The following TSHZ2 variants were observed in gnomAD, a reference collection of about 807,000 sequenced individuals.
TSHZ2 encodes teashirt zinc finger homeobox 2.
A neutral mutation model predicts 74.4 loss-of-function variants in TSHZ2; 21 were observed. That is an observed-to-expected ratio of 0.28 (90% CI 0.20 to 0.41). The LOEUF (loss-of-function observed/expected upper bound fraction) is 0.41, where lower values mean the gene tolerates loss of function less well. TSHZ2 is among the 10% of genes least tolerant of loss of function. The pLI is 1.00. For synonymous variants in TSHZ2, 540 were observed against 515.3 expected (o/e 1.05, Z -0.65); for missense variants, 1,244 against 1,293.5 (o/e 0.96, Z 0.59).
At chr20:53,473,962 G>C (rs1035299173) in intron 2 of TSHZ2, among the ~76,000 whole-genome samples, 15 of 151,870 alleles carry the variant, frequency 9.9e-5, no homozygotes, top group African/African-American at 3.6e-4. Flanking sequence ...AGAGAAAAAA[G>C]AATAAAAAGA....
At chr20:53,195,862 G>C (rs1247030814) in intron 1 of TSHZ2, among the ~76,000 whole-genome samples, 1 of 152,156 alleles carries the variant, frequency 6.6e-6, no homozygotes, top group Non-Finnish European at 1.5e-5. Flanking sequence ...TCAGAAATCA[G>C]ATTTATATGG....
At chr20:53,433,274 G>A (rs1983907760) in intron 2 of TSHZ2, among the ~76,000 whole-genome samples, 2 of 152,172 alleles carry the variant, frequency 1.3e-5, no homozygotes, top group South Asian at 4.1e-4. Context: ...CACTAAGGAA[G>A]GAGGATCACT....
intron 2 of TSHZ2, among the ~76,000 whole-genome samples, chr20:53,266,372 T>C (rs1007617132): frequency 5.9e-5 from 9 of 152,300 alleles, no homozygotes; most frequent in African/African-American, 1.4e-4. Context: ...GAAATTGTTT[T>C]CTCATTTTCA....
chr20:53,144,758 A>G (rs1457401425), intron 1 of TSHZ2, among the ~76,000 whole-genome samples: 1 of 152,036 alleles, frequency 6.6e-6, no homozygotes, highest in Non-Finnish European at 1.5e-5. Context: ...TCCTCGTACT[A>G]TGAGGTTATA....
intron 1 of TSHZ2, among the ~76,000 whole-genome samples, chr20:53,142,571 T>C (rs1311845454): frequency 6.6e-6 from 1 of 152,202 alleles, no homozygotes; most frequent in Non-Finnish European, 1.5e-5. Flanking sequence ...TGGGGCTATG[T>C]TACCTGAACC....
chr20:53,387,371 C>T lies in TSHZ2; in HGVS notation c.*9-99773C>T, dbSNP rs6097388. Among the ~76,000 whole-genome samples the T allele has an allele frequency of 1.3e-3, 205 of 152,276 alleles. 1 individual carries two copies. The highest frequency in any genetic ancestry group is 4.7e-3 in the African/African-American group (197 of 41,556). On this transcript the variant is annotated intron_variant, in intron 2 of 2. Coordinates refer to ENST00000371497, the MANE Select transcript of TSHZ2 (RefSeq NM_173485.6). ...ATCATCTTAAGATCTGTTTTATTTT[C>T]CCTTGATTCTATGTGGGGATATTCT...
chr20:53,005,678 G>A (rs1396451451), intron 1 of TSHZ2, among the ~76,000 whole-genome samples: 2 of 152,214 alleles, frequency 1.3e-5, no homozygotes, highest in Admixed American at 6.5e-5. Flanking sequence ...AATTTCTGGA[G>A]TGACTGTGAC....
At chr20:53,221,222 C>G (rs567880792) in intron 1 of TSHZ2, among the ~76,000 whole-genome samples, 5 of 67,902 alleles carry the variant, frequency 7.4e-5, no homozygotes, top group East Asian at 7.3e-4. Flanking sequence ...ATTGTGAGGC[C>G]CCCCCCGCCA....
intron 1 of TSHZ2, among the ~76,000 whole-genome samples, chr20:53,047,439 C>T (rs935548951): frequency 2.0e-5 from 3 of 151,956 alleles, no homozygotes; most frequent in Non-Finnish European, 4.4e-5. Flanking sequence ...CACATTCCAG[C>T]CAGCAAGAAA....
intron 2 of TSHZ2, among the ~76,000 whole-genome samples, chr20:53,332,912 T>G (rs932091557): frequency 1.3e-5 from 2 of 152,242 alleles, no homozygotes; most frequent in Non-Finnish European, 2.9e-5. Context: ...GCCCAGCCAC[T>G]ACCACCTCTT....
intron 1 of TSHZ2, among the ~76,000 whole-genome samples, chr20:52,996,025 AAGTT>A (rs1284430946): frequency 2.6e-5 from 4 of 152,176 alleles, no homozygotes; most frequent in Admixed American, 6.5e-5. Context: ...AGTACATAGT[AAGTT>A]CTTAATAAAT....
chr20:53,035,171 C>T (rs1388045696), intron 1 of TSHZ2, among the ~76,000 whole-genome samples: 1 of 152,172 alleles, frequency 6.6e-6, no homozygotes, highest in Non-Finnish European at 1.5e-5. Context: ...CTGGAAGCCT[C>T]AAGTTGCATT....
intron 1 of TSHZ2, among the ~76,000 whole-genome samples, chr20:53,123,001 C>G (rs1467924556): frequency 1.3e-5 from 2 of 152,184 alleles, no homozygotes; most frequent in African/African-American, 4.8e-5. Context: ...TCTTCCACTT[C>G]CCTTCCCTGA....
chr20:53,342,693 A>C (rs1449637615), intron 2 of TSHZ2, among the ~76,000 whole-genome samples: 1 of 152,140 alleles, frequency 6.6e-6, no homozygotes, highest in Non-Finnish European at 1.5e-5. Context: ...GGCTCAAGTC[A>C]TGAAACTGAT....
At chr20:53,186,312 T>C (rs1460638769) in intron 1 of TSHZ2, among the ~76,000 whole-genome samples, 1 of 152,206 alleles carries the variant, frequency 6.6e-6, no homozygotes, top group Admixed American at 6.5e-5. Flanking sequence ...ATTTACCAGC[T>C]CACCAGTGGT....
chr20:53,002,277 A>T (rs1326161713), intron 1 of TSHZ2, among the ~76,000 whole-genome samples: 1 of 152,236 alleles, frequency 6.6e-6, no homozygotes, highest in Non-Finnish European at 1.5e-5. Flanking sequence ...TGATCTACCT[A>T]GCCAGGGGTA....
intron 2 of TSHZ2, among the ~76,000 whole-genome samples, chr20:53,361,559 T>C (rs958575057): frequency 2.0e-5 from 3 of 152,354 alleles, no homozygotes; most frequent in African/African-American, 7.2e-5. Context: ...ATATTGTGTC[T>C]GAGTCACTCT....
chr20:53,458,890 T>C (rs1985227986), intron 2 of TSHZ2, among the ~76,000 whole-genome samples: 1 of 152,178 alleles, frequency 6.6e-6, no homozygotes, highest in South Asian at 2.1e-4. Flanking sequence ...AGATTCTTAA[T>C]CCTGAGTTCT....
intron 1 of TSHZ2, among the ~76,000 whole-genome samples, chr20:53,028,838 G>T (rs985142798): frequency 6.6e-6 from 1 of 152,128 alleles, no homozygotes; most frequent in Non-Finnish European, 1.5e-5. Flanking sequence ...ATGTCTAAAG[G>T]ACCCAGGCAA....
Sources: gnomAD v4.1 joint callset for allele counts (sites outside exome capture counted in the v4.1 genomes callset) on GRCh38, gnomAD v4.1.1 for gene constraint, MANE v1.5 for transcripts, NCBI Gene and HGNC (gene_info 2026-07-23, HGNC 2026-07-21) for gene names.